NBPF20: variants seen among roughly 807,000 people sequenced by gnomAD.
NBPF20 encodes the protein NBPF family member NBPF20.
Under a neutral mutation model 68.1 loss-of-function variants are expected in NBPF20, and 90 were observed. The ratio of observed to expected loss-of-function variants is 1.32; its 90% CI spans 1.11 to 1.58. The LOEUF is 1.58. Ranked by LOEUF, NBPF20 falls within the 40% of genes most tolerant of loss-of-function variation. NBPF20 has a pLI of 0.00. For synonymous variants in NBPF20, 290 were observed against 228.1 expected (o/e 1.27, Z -2.45); for missense variants, 816 against 601.2 (o/e 1.36, Z -3.74).
At position 145,312,252 on chromosome 1, in the gene NBPF20, T is replaced by C. The variant is rs1661504194; in HGVS notation, c.13616A>G (p.Tyr4539Cys). 2.8e-5 allele frequency: 4 copies of C among 140,914 alleles called. 1 individual carries two copies. Among genetic ancestry groups the C allele is most frequent in the Non-Finnish European group, 4.7e-5 (4 of 85,360 alleles). 8.7% of individuals were successfully genotyped at this position (140,914 alleles called of 1,614,324 possible). A position where few individuals can be genotyped will look rare whatever the true frequency, so the allele number is the denominator to read the frequency against. Residue 4539 changes from tyrosine (Y) to cysteine (C), a missense_variant, in exon 112 of 138, where the codon TAC (tyrosine) becomes TGC (cysteine). By Grantham distance (194) the Tyr-to-Cys change is radical. Coordinates refer to ENST00000369373, the Ensembl canonical transcript of NBPF20. Reference sequence around the variant, plus strand: ...GCCAACACGCTGTTGCTCCAATACGTAAAAGGCACTTCTGTAGGGCTGGCA... The same window carrying C: ...GCCAACACGCTGTTGCTCCAATACGCAAAAGGCACTTCTGTAGGGCTGGCA...
chr1:145,405,295 G>A (rs1553666913), exon 2 of NBPF20: 9 of 1,597,840 alleles, frequency 5.6e-6, no homozygotes, highest in Non-Finnish European at 7.7e-6. Context: ...GGCAGAAGAG[G>A]TGGAGTCAGG....
At chr1:145,421,509 A>G in the NBPF20 span, among the ~76,000 whole-genome samples, 1 of 152,200 alleles carries the variant, frequency 6.6e-6, no homozygotes, top group East Asian at 1.9e-4. Context: ...TAGTATGTTC[A>G]TTCATTCATT....
the NBPF20 span, among the ~76,000 whole-genome samples, chr1:145,417,621 CAA>C: frequency 1.1e-3 from 57 of 53,150 alleles, no homozygotes; most frequent in African/African-American, 4.4e-3. Flanking sequence ...CAACACAAAG[CAA>C]AAAAAAAAAA....
the NBPF20 span, among the ~76,000 whole-genome samples, chr1:145,410,609 G>A: frequency 3.3e-5 from 5 of 150,848 alleles, no homozygotes; most frequent in East Asian, 1.9e-4. Context: ...CACCGCGCCC[G>A]GCCCCATGTA....
intron 9 of NBPF20, among the ~76,000 whole-genome samples, chr1:145,393,508 T>C (rs1194088003): frequency 6.6e-6 from 1 of 150,862 alleles, no homozygotes; most frequent in Non-Finnish European, 1.5e-5. Context: ...GCTCAGTGAA[T>C]TGGTCAGGTG....
exon 2 of NBPF20, chr1:145,405,103 T>C: frequency 6.2e-7 from 1 of 1,613,586 alleles, no homozygotes; most frequent in Non-Finnish European, 8.5e-7. Flanking sequence ...CTTACTGTAT[T>C]TCTTCTGCTG....
chr1:145,424,515 T>G, the NBPF20 span, among the ~76,000 whole-genome samples: 1 of 152,196 alleles, frequency 6.6e-6, no homozygotes, highest in Admixed American at 6.5e-5. Context: ...CGTGAAGCAC[T>G]GGGATTCATT....
exon 138 of NBPF20, chr1:145,291,459 T>C (rs1311215068): frequency 4.3e-6 from 7 of 1,611,780 alleles, no homozygotes; most frequent in Middle Eastern, 2.2e-4. Context: ...TGTACTTTCA[T>C]TCAAATCTTC....
At chr1:145,397,761 A>T (rs1336339683) in intron 7 of NBPF20, among the ~76,000 whole-genome samples, 1 of 152,240 alleles carries the variant, frequency 6.6e-6, no homozygotes, top group Non-Finnish European at 1.5e-5. Context: ...AAATGGGCTA[A>T]ATGCCCCAGT....
At chr1:145,404,131 C>A (rs1298267716) in intron 2 of NBPF20, among the ~76,000 whole-genome samples, 1 of 145,794 alleles carries the variant, frequency 6.9e-6, no homozygotes, top group Non-Finnish European at 1.5e-5. Context: ...CACTGCACTG[C>A]TGCTTCCACA....
the NBPF20 span, among the ~76,000 whole-genome samples, chr1:145,424,794 T>C: frequency 6.6e-6 from 1 of 152,064 alleles, no homozygotes; most frequent in Non-Finnish European, 1.5e-5. Flanking sequence ...AATCCTGCGG[T>C]GAATTTGAGG....
At chr1:145,402,250 T>A in exon 4 of NBPF20, 1 of 1,609,552 alleles carries the variant, frequency 6.2e-7, no homozygotes, top group South Asian at 1.1e-5. Flanking sequence ...CTGGGACTTG[T>A]CCGGCTCATC....
rs1328416691 is a variant in NBPF20 at position 145,342,638 on chromosome 1, C to T, written c.8814-79G>A. 18 of 42,506 alleles carry T rather than the reference C, an allele frequency of 4.2e-4. No homozygotes were observed. The African/African-American group carries it at 8.2e-3, about 19-fold the overall frequency. 2.6% of individuals were successfully genotyped at this position (42,506 alleles called of 1,614,324 possible). ...AGCCCCAACTAGGTTTCATGGGTAG[C>T]ATAGGGAAGTGGTTAAAAAACTAAA... On this transcript the variant is annotated intron_variant, in intron 73 of 137. Coordinates refer to ENST00000369373, the Ensembl canonical transcript of NBPF20.
upstream of NBPF20, chr1:145,405,912 T>C (rs1395824092): frequency 5.7e-6 from 1 of 175,494 alleles, no homozygotes; most frequent in African/African-American, 2.4e-5. Context: ...TTCTCTTGTT[T>C]TGACTTTTTC....
At chr1:145,423,829 A>G in the NBPF20 span, among the ~76,000 whole-genome samples, 1 of 152,204 alleles carries the variant, frequency 6.6e-6, no homozygotes, top group African/African-American at 2.4e-5. Context: ...TCACTTTGGG[A>G]AAACATTCAA....
chr1:145,396,783 T>G (rs1373444082), intron 7 of NBPF20, among the ~76,000 whole-genome samples: 8 of 150,160 alleles, frequency 5.3e-5, no homozygotes, highest in Non-Finnish European at 1.2e-4. Context: ...CAGATATATA[T>G]AATACTTTAA....
intron 5 of NBPF20, 128 bp downstream of exon 10, chr1:145,400,931 T>A: frequency 8.6e-7 from 1 of 1,168,578 alleles, no homozygotes. Flanking sequence ...TAAGCTGGGT[T>A]ATATTTCACA....
At chr1:145,404,880 G>A (rs1258521490) in intron 2 of NBPF20, among the ~76,000 whole-genome samples, 7 of 150,656 alleles carry the variant, frequency 4.6e-5, no homozygotes, top group African/African-American at 1.7e-4. Flanking sequence ...ATAAATGGCA[G>A]TTTAACTCTA....
upstream of NBPF20, among the ~76,000 whole-genome samples, chr1:145,407,571 A>G (rs1194536947): frequency 4.8e-5 from 7 of 146,848 alleles, no homozygotes; most frequent in African/African-American, 7.5e-5. Flanking sequence ...TATATATAAC[A>G]CGTGTATATA....
Sources: allele counts gnomAD v4.1 joint callset (sites outside exome capture counted in the v4.1 genomes callset), GRCh38; gene constraint gnomAD v4.1.1; transcripts MANE v1.5; gene names NCBI Gene and HGNC (gene_info 2026-07-23, HGNC 2026-07-21).